The following IQGAP2 variants were observed in gnomAD, a reference collection of about 807,000 sequenced individuals.
The protein encoded by IQGAP2 is IQ motif containing GTPase activating protein 2.
IQGAP2 carries 173 observed loss-of-function variants against 201.3 expected under a neutral mutation model. That is an observed-to-expected ratio of 0.86 (90% CI 0.76 to 0.98). IQGAP2 has a LOEUF of 0.98. IQGAP2 is among the 50% of genes least tolerant of loss of function. IQGAP2 has a pLI of 0.00. For missense variants in IQGAP2, 1,687 were observed against 1,864.8 expected, an observed-to-expected ratio of 0.90 and a Z score of 1.76; for synonymous variants, 675 against 673.9, an observed-to-expected ratio of 1.00 and a Z score of -0.03.
chr5:76,464,335 T>C (rs1754655649), intron 2 of IQGAP2, among the ~76,000 whole-genome samples: 3 of 152,228 alleles, frequency 2.0e-5, no homozygotes, highest in Admixed American at 2.0e-4. Flanking sequence ...GAGGATTTAT[T>C]GCATGATTCT....
At chr5:76,641,706 G>T (rs548861326) in intron 17 of IQGAP2, among the ~76,000 whole-genome samples, 1 of 152,226 alleles carries the variant, frequency 6.6e-6, no homozygotes, top group Admixed American at 6.5e-5. Flanking sequence ...TATTCCTATA[G>T]CGCCCCCTAC....
intron 1 of IQGAP2, among the ~76,000 whole-genome samples, chr5:76,453,814 C>T (rs1408670750): frequency 2.0e-5 from 3 of 152,190 alleles, no homozygotes; most frequent in Admixed American, 1.3e-4. Context: ...CCCTGACCAA[C>T]AGTTAAAGCA....
intron 13 of IQGAP2, chr5:76,617,725 A>C: frequency 1.9e-6 from 3 of 1,614,144 alleles, no homozygotes; most frequent in Non-Finnish European, 2.5e-6. Context: ...TTGTAGTAGT[A>C]GTTAGCATGG....
chr5:76,496,265 G>T lies in IQGAP2; in HGVS notation c.146+34596G>T, dbSNP rs981227952. On this transcript the variant is annotated intron_variant, in intron 2 of 35. Coordinates refer to ENST00000274364, the MANE Select transcript of IQGAP2 (RefSeq NM_006633.5). ...TAGCTTTATGGGTCCTCTACTTAGG[G>T]TCTCTCAAGGCTGCCTTAAAGTGTT... 3.3e-5 allele frequency among the ~76,000 whole-genome samples: 5 copies of T among 152,240 alleles called. No homozygotes were observed. The South Asian group carries it at 1.0e-3, about 32-fold the overall frequency.
chr5:76,439,608 T>C (rs1025119409), intron 1 of IQGAP2, among the ~76,000 whole-genome samples: 2 of 152,196 alleles, frequency 1.3e-5, no homozygotes, highest in Non-Finnish European at 2.9e-5. Flanking sequence ...TCTTTGTCTT[T>C]TTTTTTCTTT....
chr5:76,464,849 A>G (rs920264684), intron 2 of IQGAP2, among the ~76,000 whole-genome samples: 1 of 152,194 alleles, frequency 6.6e-6, no homozygotes, highest in Non-Finnish European at 1.5e-5. Context: ...ACAAGCTACT[A>G]AAACTGACTC....
intron 3 of IQGAP2, among the ~76,000 whole-genome samples, chr5:76,564,155 G>A (rs550557921): frequency 3.3e-5 from 5 of 152,228 alleles, no homozygotes; most frequent in Admixed American, 1.3e-4. Flanking sequence ...TCATTTAGCC[G>A]GCTAAAATTG....
At chr5:76,505,532 T>C (rs1287754914) in intron 2 of IQGAP2, among the ~76,000 whole-genome samples, 3 of 152,176 alleles carry the variant, frequency 2.0e-5, no homozygotes, top group Non-Finnish European at 4.4e-5. Flanking sequence ...ATTTTACCGA[T>C]GCTAATTTCC....
chr5:76,594,975 T>TA (rs554113962), intron 9 of IQGAP2, among the ~76,000 whole-genome samples: 4,685 of 148,912 alleles, frequency 0.031, 239 homozygotes, highest in African/African-American at 0.11. Flanking sequence ...CAAAAAAAAT[T>TA]TAAAAAAAAA....
chr5:76,556,242 G>A (rs942517824), intron 2 of IQGAP2, among the ~76,000 whole-genome samples: 3 of 152,100 alleles, frequency 2.0e-5, no homozygotes, highest in South Asian at 2.1e-4. Context: ...TACATAGTGC[G>A]GGGAAGGCTG....
At position 76,553,333 on chromosome 5, in the gene IQGAP2, G is replaced by A. The variant is rs570723699; in HGVS notation, c.147-9063G>A. Among the ~76,000 whole-genome samples the A allele has an allele frequency of 2.0e-5, 3 of 152,280 alleles. No homozygotes were observed. The East Asian group carries it at 5.8e-4, about 29-fold the overall frequency. On this transcript the variant is annotated intron_variant, in intron 2 of 35. Transcript: ENST00000274364. ...AAAATATTAAGGGAAAAATTGACTT[G>A]TGATACTTGAAAGTTCATAGAACAG...
chr5:76,702,035 T>C (rs1230726844), intron 34 of IQGAP2: 1 of 152,626 alleles, frequency 6.6e-6, no homozygotes, highest in Non-Finnish European at 1.5e-5. Flanking sequence ...GGTTTCACCA[T>C]GTTGGCCAGG....
intron 2 of IQGAP2, among the ~76,000 whole-genome samples, chr5:76,532,649 G>A (rs1314423848): frequency 6.6e-6 from 1 of 152,066 alleles, no homozygotes; most frequent in Non-Finnish European, 1.5e-5. Flanking sequence ...GGAGTCTAGG[G>A]GTCCACCACC....
intron 20 of IQGAP2, 151 bp from the exon 21 acceptor site, chr5:76,658,308 A>G (rs1742934803): frequency 2.9e-6 from 2 of 678,348 alleles, no homozygotes; most frequent in East Asian, 5.4e-5. Context: ...CAGATTTTAA[A>G]TTGTGTGGGG....
At chr5:76,417,824 C>T (rs997592955) in intron 1 of IQGAP2, among the ~76,000 whole-genome samples, 25 of 151,850 alleles carry the variant, frequency 1.6e-4, no homozygotes, top group African/African-American at 4.4e-4. Context: ...TCAAGTGATC[C>T]GCCTCCCTCA....
intron 1 of IQGAP2, among the ~76,000 whole-genome samples, chr5:76,423,148 A>AGG (rs1751815198): frequency 6.6e-6 from 1 of 152,236 alleles, no homozygotes; most frequent in Admixed American, 6.5e-5. Context: ...AAAAATTACC[A>AGG]CTAATCAACT....
At chr5:76,434,277 AGT>A in intron 1 of IQGAP2, among the ~76,000 whole-genome samples, 1 of 152,250 alleles carries the variant, frequency 6.6e-6, no homozygotes, top group East Asian at 1.9e-4. Context: ...TGAGATTTTT[AGT>A]GTGCTTGTCA....
chr5:76,535,557 C>G (rs1225110922), intron 2 of IQGAP2, among the ~76,000 whole-genome samples: 2 of 152,156 alleles, frequency 1.3e-5, no homozygotes, highest in Non-Finnish European at 2.9e-5. Context: ...GAACATGGGA[C>G]CCTGTGTGAT....
intron 1 of IQGAP2, among the ~76,000 whole-genome samples, chr5:76,426,896 A>G (rs977797780): frequency 1.1e-5 from 1 of 88,802 alleles, no homozygotes; most frequent in Non-Finnish European, 2.8e-5. Context: ...GCGGGGAAAA[A>G]CCATGGAGGG....
Sources: gnomAD v4.1 joint callset for allele counts (sites outside exome capture counted in the v4.1 genomes callset) on GRCh38, gnomAD v4.1.1 for gene constraint, MANE v1.5 for transcripts, NCBI Gene and HGNC (gene_info 2026-07-23, HGNC 2026-07-21) for gene names.